The following PHF20 variants were observed in gnomAD, a reference collection of about 807,000 sequenced individuals.
The protein encoded by PHF20 is glioma-expressed antigen 2.
In PHF20, 23 loss-of-function variants were observed where a neutral mutation model predicts 113.5. The ratio of observed to expected loss-of-function variants is 0.20; its 90% CI spans 0.15 to 0.29. The LOEUF (loss-of-function observed/expected upper bound fraction) is 0.29. PHF20 is among the 10% of genes least tolerant of loss of function. PHF20 has a pLI of 1.00. For synonymous variants in PHF20, 434 were observed against 457.3 expected, an observed-to-expected ratio of 0.95 and a Z score of 0.65; for missense variants, 943 against 1,219.6, an observed-to-expected ratio of 0.77 and a Z score of 3.38.
chr20:35,899,498 T>C lies in PHF20; in HGVS notation c.1411T>C (p.Tyr471His). 1 of 1,614,210 alleles carries C rather than the reference T, an allele frequency of 6.2e-7. No individual in the cohort carries two copies. The highest frequency in any genetic ancestry group is 8.5e-7 in the Non-Finnish European group (1 of 1,180,022). ...KFFRKAKLLH[Y>H]HMKYFHGMEK... ...TTTCCGCAAAGCCAAACTGTTGCAC[T>C]ATCACATGAAGTATTTCCATGGAAT... Residue 471 changes from tyrosine to histidine, a missense_variant, in exon 10 of 18, where the codon TAT becomes CAT. By Grantham distance (83) the Tyr-to-His change is moderately conservative. Coordinates refer to ENST00000374012, the MANE Select transcript of PHF20 (RefSeq NM_016436.5).
At chr20:35,821,502 A>AC (rs1429008943) in intron 2 of PHF20, among the ~76,000 whole-genome samples, 1 of 151,650 alleles carries the variant, frequency 6.6e-6, no homozygotes, top group East Asian at 1.9e-4. Flanking sequence ...AATACAAAAA[A>AC]AAAAAAAAAA....
intron 13 of PHF20, among the ~76,000 whole-genome samples, chr20:35,921,916 A>G (rs1023058968): frequency 6.6e-6 from 1 of 152,152 alleles, no homozygotes; most frequent in African/African-American, 2.4e-5. Context: ...CCCTCCTGGC[A>G]GGGCTATTCT....
intron 1 of PHF20, among the ~76,000 whole-genome samples, chr20:35,778,277 G>T (rs1363072679): frequency 1.3e-5 from 2 of 152,054 alleles, no homozygotes; most frequent in Non-Finnish European, 2.9e-5. Flanking sequence ...TAGAGACAAG[G>T]TTTCACTATG....
At chr20:35,873,055 A>G (rs1027535297) in intron 9 of PHF20, among the ~76,000 whole-genome samples, 6 of 148,070 alleles carry the variant, frequency 4.1e-5, no homozygotes, top group African/African-American at 1.2e-4. Context: ...TAATTTTGTC[A>G]TTTTTGCTTT....
rs532244654 is a variant in PHF20, at chr20:35,865,265, CTGA to C, written c.808+1869_808+1871del. 2.3e-4 allele frequency among the ~76,000 whole-genome samples: 35 copies of C among 151,926 alleles called. No homozygotes were observed. In the East Asian group the frequency reaches 6.2e-3, roughly 27 times the overall value. On this transcript the variant is annotated intron_variant, in intron 6 of 17. Coordinates refer to ENST00000374012, the MANE Select transcript of PHF20 (RefSeq NM_016436.5). ...GTAATCATGCCAGCACTTTGGGAGG[CTGA>C]TGAGGGAGGATCACTTGAGTCCAGA...
intron 4 of PHF20, among the ~76,000 whole-genome samples, chr20:35,847,977 A>G (rs978706976): frequency 6.6e-6 from 1 of 152,148 alleles, no homozygotes; most frequent in Non-Finnish European, 1.5e-5. Flanking sequence ...TTTTGCTAGT[A>G]AAAGGGCAGA....
Position 35,948,239 on chromosome 20 carries a change from C to T in PHF20, c.*612C>T, listed in dbSNP as rs954085226. ...TGGGGACAAGTTTGTATGCCTTCAC[C>T]CCAGAGCTGGCTGGGTTATGGCTTT... is the stretch of plus-strand genomic sequence containing the variant. On this transcript the variant is annotated 3_prime_UTR_variant, in exon 18 of 18. Coordinates refer to ENST00000374012, the MANE Select transcript of PHF20 (RefSeq NM_016436.5). 1.3e-5 allele frequency: 2 copies of T among 152,694 alleles called. No homozygotes were observed. Among genetic ancestry groups the T allele is most frequent in the African/African-American group, 4.8e-5 (2 of 41,416 alleles). The allele number at this position is 152,694 out of a possible 1,614,324, so 9.5% of individuals were successfully genotyped here.
At position 35,931,263 on chromosome 20, in the gene PHF20, T is replaced by G. The variant is rs374815117; in HGVS notation, c.2119T>G (p.Phe707Val). ...CQDPPGQRPG[F>V]KYWYDKEWLS... ...CACTGCTGTAGGTCAGAGGCCTGGCTTCAAGTACTGGTATGACAAGGAGTG... is the reference window on the plus strand; with the variant it reads ...CACTGCTGTAGGTCAGAGGCCTGGCGTCAAGTACTGGTATGACAAGGAGTG... Residue 707 changes from phenylalanine (F) to valine (V), a missense_variant, in exon 15 of 18, where the codon TTC becomes GTC. By Grantham distance (50) the Phe-to-Val change is conservative. Around this residue, in one of 3 missense-constraint regions of PHF20, gnomAD observed 349 missense variants for 412.3 expected, o/e 0.85. Coordinates refer to ENST00000374012, the MANE Select transcript of PHF20 (RefSeq NM_016436.5). The G allele has an allele frequency of 6.2e-7, 1 of 1,611,586 alleles. No individual in the cohort carries two copies.
At chr20:35,829,043 A>G (rs951001883) in intron 2 of PHF20, among the ~76,000 whole-genome samples, 1 of 152,068 alleles carries the variant, frequency 6.6e-6, no homozygotes, top group Non-Finnish European at 1.5e-5. Context: ...AAGGGGGCTC[A>G]CTCACAGGGC....
At chr20:35,906,573 T>C (rs7266356) in intron 10 of PHF20, among the ~76,000 whole-genome samples, 40 of 152,330 alleles carry the variant, frequency 2.6e-4, no homozygotes, top group African/African-American at 9.6e-4. Context: ...GGGCCTTGCT[T>C]TCTCCCCGTT....
chr20:35,818,298 A>C (rs961875707), intron 2 of PHF20, among the ~76,000 whole-genome samples: 1 of 150,766 alleles, frequency 6.6e-6, no homozygotes, highest in Non-Finnish European at 1.5e-5. Flanking sequence ...AAACAAAACA[A>C]AACAAAAAAT....
chr20:35,860,541 C>A (rs140653996), intron 5 of PHF20, among the ~76,000 whole-genome samples: 93 of 152,264 alleles, frequency 6.1e-4, no homozygotes, highest in African/African-American at 2.1e-3. Context: ...CCATGCCCAG[C>A]CGATTCAAAG....
In PHF20 at chr20:35,839,773, C is replaced by T. The variant is rs2042509262; in HGVS notation, c.84-2800C>T. Among the ~76,000 whole-genome samples the T allele has an allele frequency of 2.0e-5, 3 of 152,186 alleles. No individual in the cohort carries two copies. In the South Asian group the frequency reaches 6.2e-4, roughly 32 times the overall value. On this transcript the variant is annotated intron_variant, in intron 2 of 17. Transcript: ENST00000374012. The stretch of plus-strand genomic sequence containing the variant: ...CAATTAGGAATTATGGAAAACATAC[C>T]CTTCCAGTCCTCTGTGAGGAATACA...
At chr20:35,876,585 A>T (rs1418216589) in intron 9 of PHF20, among the ~76,000 whole-genome samples, 1 of 152,178 alleles carries the variant, frequency 6.6e-6, no homozygotes, top group Non-Finnish European at 1.5e-5. Flanking sequence ...TAAAAAAATT[A>T]AAAAGCCAGA....
chr20:35,824,709 G>T (rs1304086509), intron 2 of PHF20, among the ~76,000 whole-genome samples: 1 of 151,990 alleles, frequency 6.6e-6, no homozygotes, highest in Non-Finnish European at 1.5e-5. Flanking sequence ...TCTAATTCCA[G>T]AATTCTCATT....
chr20:35,814,892 A>C (rs758319848), intron 2 of PHF20, among the ~76,000 whole-genome samples: 1 of 110,182 alleles, frequency 9.1e-6, no homozygotes, highest in African/African-American at 3.7e-5. Flanking sequence ...AAAAAAAAAT[A>C]AAATAAATAA....
chr20:35,859,282 T>C (rs1447982692), intron 5 of PHF20, among the ~76,000 whole-genome samples: 1 of 152,230 alleles, frequency 6.6e-6, no homozygotes, highest in Non-Finnish European at 1.5e-5. Flanking sequence ...TCTAGAAGTG[T>C]TGCCTACTTT....
At chr20:35,924,025 G>A (rs990490052) in intron 13 of PHF20, among the ~76,000 whole-genome samples, 3 of 152,052 alleles carry the variant, frequency 2.0e-5, no homozygotes, top group Non-Finnish European at 4.4e-5. Flanking sequence ...CAAAGTGCTA[G>A]GATTACAGGT....
intron 16 of PHF20, among the ~76,000 whole-genome samples, chr20:35,940,488 G>A (rs893674053): frequency 6.6e-6 from 1 of 151,352 alleles, no homozygotes; most frequent in Non-Finnish European, 1.5e-5. Flanking sequence ...TCGCACATTC[G>A]CAGGAGATGG....
Sources: allele counts gnomAD v4.1 joint callset (sites outside exome capture counted in the v4.1 genomes callset), GRCh38; gene constraint gnomAD v4.1.1; regional missense constraint gnomAD v4.1.1; transcripts MANE v1.5; gene names NCBI Gene and HGNC (gene_info 2026-07-23, HGNC 2026-07-21).